The following SMC5 variants were observed in gnomAD, a reference collection of about 807,000 sequenced individuals.
SMC5 encodes the protein structural maintenance of chromosomes 5.
A neutral mutation model predicts 148.3 loss-of-function variants in SMC5; 88 were observed. That is an observed-to-expected ratio of 0.59 (90% CI 0.50 to 0.71). The LOEUF is 0.71. Ranked by LOEUF, SMC5 falls within the 30% of genes least tolerant of loss-of-function variation. SMC5 has a pLI of 0.00. For synonymous variants in SMC5, 421 were observed against 432.8 expected, an observed-to-expected ratio of 0.97 and a Z score of 0.34; for missense variants, 1,142 against 1,298.9, an observed-to-expected ratio of 0.88 and a Z score of 1.86.
At chr9:70,330,727 A>G (rs1449638457) in intron 17 of SMC5, among the ~76,000 whole-genome samples, 1 of 151,744 alleles carries the variant, frequency 6.6e-6, no homozygotes, top group African/African-American at 2.4e-5. Context: ...TATTTTTGGT[A>G]GAGATGGGGT....
Position 70,298,210 on chromosome 9 carries a change from A to G in SMC5, c.1298A>G (p.Lys433Arg). The G allele has an allele frequency of 6.2e-7, 1 of 1,609,920 alleles. No homozygotes were observed. Among genetic ancestry groups the G allele is most frequent in the Non-Finnish European group, 8.5e-7 (1 of 1,178,626 alleles). Residue 433 changes from lysine to arginine, a missense_variant, in exon 9 of 25, where the codon AAG becomes AGG. Physicochemically the swap from Lys to Arg is conservative, Grantham distance 26. This residue lies in a region of SMC5 where 743 missense variants were observed against 835.7 expected (regional missense o/e 0.89). Coordinates refer to ENST00000361138, the MANE Select transcript of SMC5 (RefSeq NM_015110.4). ...CGAAGAGAGAGGGAAACTCTAGAGA[A>G]GGAGAAAAAGAGTAAGTTTCATAAA... is the stretch of plus-strand genomic sequence containing the variant. The part of the protein sequence containing the change: ...DKRRERETLE[K>R]EKKSVDDHIV...
At chr9:70,348,652 C>T (rs116377756) in intron 22 of SMC5, among the ~76,000 whole-genome samples, 3,832 of 151,338 alleles carry the variant, frequency 0.025, 110 homozygotes, top group South Asian at 0.07. Flanking sequence ...AATGGTGCCA[C>T]TGCACTCCAG....
At chr9:70,315,816 G>A (rs1395970774) in intron 13 of SMC5, among the ~76,000 whole-genome samples, 1 of 151,900 alleles carries the variant, frequency 6.6e-6, no homozygotes, top group Admixed American at 6.6e-5. Flanking sequence ...ATACATTTAG[G>A]GTAATTCCAT....
intron 17 of SMC5, among the ~76,000 whole-genome samples, chr9:70,337,110 G>A (rs1489039602): frequency 1.3e-5 from 2 of 152,112 alleles, no homozygotes; most frequent in African/African-American, 4.8e-5. Flanking sequence ...CTCCCACCAG[G>A]TCCCTGCCAC....
At chr9:70,283,568 C>G (rs750276635) in intron 7 of SMC5, among the ~76,000 whole-genome samples, 6 of 152,054 alleles carry the variant, frequency 3.9e-5, no homozygotes, top group Non-Finnish European at 8.8e-5. Context: ...TGTAATTAGA[C>G]CAGCGGAATT....
intron 10 of SMC5, among the ~76,000 whole-genome samples, chr9:70,301,943 T>A (rs751973829): frequency 2.0e-5 from 3 of 152,216 alleles, no homozygotes; most frequent in Non-Finnish European, 4.4e-5. Flanking sequence ...CTACCTATCT[T>A]TATCTTGCTA....
In SMC5 at chr9:70,282,541, G is replaced by T. The variant is rs1587637475; in HGVS notation, c.939G>T (p.Met313Ile). ...QIPVTCRIEE[M>I]ENERHNLEAR... is the part of the protein sequence containing the mutation. ...CTGTAACATGTCGAATTGAAGAAAT[G>T]GAAAACGAGCGTCACAATTTGGAGG... Residue 313 changes from methionine to isoleucine, a missense_variant, in exon 7 of 25, where the codon ATG becomes ATT. This residue lies in a region of SMC5 where 743 missense variants were observed against 835.7 expected (regional missense o/e 0.89). Transcript: ENST00000361138. The T allele has an allele frequency of 6.3e-7, 1 of 1,590,368 alleles. No individual in the cohort carries two copies. Among genetic ancestry groups the T allele is most frequent in the East Asian group, 2.3e-5 (1 of 43,278 alleles).
At chr9:70,349,214 C>T (rs1365945775) in intron 22 of SMC5, among the ~76,000 whole-genome samples, 1 of 152,092 alleles carries the variant, frequency 6.6e-6, no homozygotes, top group Non-Finnish European at 1.5e-5. Context: ...TTACAGATGC[C>T]TGCCACCATG....
Position 70,324,190 on chromosome 9 carries a change from C to G in SMC5, c.2397+47C>G, listed in dbSNP as rs757850145. The G allele has an allele frequency of 8.4e-6, 13 of 1,549,398 alleles. No individual in the cohort carries two copies. In the South Asian group the frequency reaches 9.8e-5, roughly 12 times the overall value. On this transcript the variant is annotated intron_variant, in intron 17 of 24. Coordinates refer to ENST00000361138, the MANE Select transcript of SMC5 (RefSeq NM_015110.4). Reference sequence around the variant, plus strand: ...TTTATTTTGAGGTTCTAACCTCAGACTGGTTTGAAAATATATATCGTGTCA... The same window carrying G: ...TTTATTTTGAGGTTCTAACCTCAGAGTGGTTTGAAAATATATATCGTGTCA...
At chr9:70,260,793 A>G (rs1268388923) in intron 1 of SMC5, among the ~76,000 whole-genome samples, 1 of 152,182 alleles carries the variant, frequency 6.6e-6, no homozygotes, top group Non-Finnish European at 1.5e-5. Context: ...CCCACGCTGG[A>G]GCTCAGTGGC....
Position 70,353,640 on chromosome 9 carries a change from T to C in SMC5, c.*1309T>C, listed in dbSNP as rs1288239754. On this transcript the variant is annotated 3_prime_UTR_variant, in exon 25 of 25. Transcript: ENST00000361138. ...TTATATTCTTAACTAGGTCAAAAAA[T>C]AATGAGCCATAAGTTTATGTCCTCT... The C allele has an allele frequency of 1.3e-5, 2 of 152,184 alleles. No individual in the cohort carries two copies. Among genetic ancestry groups the C allele is most frequent in the African/African-American group, 4.8e-5 (2 of 41,456 alleles). 9.4% of individuals were successfully genotyped at this position (152,184 alleles called of 1,614,324 possible). A position where few individuals can be genotyped will look rare whatever the true frequency, so the allele number is the denominator to read the frequency against.
At chr9:70,283,364 G>T (rs971936391) in intron 7 of SMC5, among the ~76,000 whole-genome samples, 2 of 152,164 alleles carry the variant, frequency 1.3e-5, no homozygotes, top group African/African-American at 4.8e-5. Flanking sequence ...CTACTCATGA[G>T]GCTGAGGCAG....
At chr9:70,281,589 A>G (rs757052470) in intron 6 of SMC5, among the ~76,000 whole-genome samples, 3 of 152,214 alleles carry the variant, frequency 2.0e-5, no homozygotes, top group Non-Finnish European at 4.4e-5. Flanking sequence ...TAATTGGTAG[A>G]ACAAAATAGG....
chr9:70,277,007 G>T (rs1005478638), intron 3 of SMC5, among the ~76,000 whole-genome samples: 12 of 152,102 alleles, frequency 7.9e-5, no homozygotes, highest in African/African-American at 2.9e-4. Flanking sequence ...GTAATTAAAG[G>T]ATAAACAACT....
At position 70,347,065 on chromosome 9, in the gene SMC5, G is replaced by T; in HGVS notation, c.2569-1G>T. ...ATAATGACGGGCAATTTTTTTCTTA[G>T]GTTTTCCAAGACCTTCCAAACACAT... On this transcript the variant is annotated splice_acceptor_variant, in intron 19 of 24. Coordinates refer to ENST00000361138, the MANE Select transcript of SMC5 (RefSeq NM_015110.4). LOFTEE classifies it high-confidence loss of function. The T allele has an allele frequency of 6.2e-7, 1 of 1,609,448 alleles. No homozygotes were observed. Among genetic ancestry groups the T allele is most frequent in the South Asian group, 1.1e-5 (1 of 90,194 alleles).
chr9:70,277,221 C>G, intron 3 of SMC5, 89 bp from the exon 4 acceptor site: 1 of 985,760 alleles, frequency 1.0e-6, no homozygotes, highest in Non-Finnish European at 1.4e-6. Flanking sequence ...CTATCTGGCA[C>G]CTTTTGTGCA....
In SMC5 at chr9:70,352,860, A is replaced by T. The variant is rs1714167859; in HGVS notation, c.*529A>T. 1 of 152,110 alleles carries T rather than the reference A, an allele frequency of 6.6e-6. No individual in the cohort carries two copies. Among genetic ancestry groups the T allele is most frequent in the African/African-American group, 2.4e-5 (1 of 41,434 alleles). 9.4% of individuals were successfully genotyped at this position (152,110 alleles called of 1,614,324 possible). A position where few individuals can be genotyped will look rare whatever the true frequency, so the allele number is the denominator to read the frequency against. On this transcript the variant is annotated 3_prime_UTR_variant, in exon 25 of 25. Coordinates refer to ENST00000361138, the MANE Select transcript of SMC5 (RefSeq NM_015110.4). Reference sequence around the variant, plus strand: ...AAAGATTACCTTATCTCCAGTAGGAAATGGAATTTTATGGGCCTTTAAAAG... The same window carrying T: ...AAAGATTACCTTATCTCCAGTAGGATATGGAATTTTATGGGCCTTTAAAAG...
chr9:70,349,092 A>G (rs1376066967), intron 22 of SMC5, among the ~76,000 whole-genome samples: 1 of 152,226 alleles, frequency 6.6e-6, no homozygotes, highest in Non-Finnish European at 1.5e-5. Flanking sequence ...TTTTTGAGAC[A>G]AAGTCTCACT....
intron 3 of SMC5, among the ~76,000 whole-genome samples, chr9:70,274,931 A>G (rs551197803): frequency 6.6e-6 from 1 of 152,094 alleles, no homozygotes; most frequent in African/African-American, 2.4e-5. Flanking sequence ...TAATATAGTT[A>G]TATTAATTAT....
Sources: allele counts gnomAD v4.1 joint callset (sites outside exome capture counted in the v4.1 genomes callset), GRCh38; gene constraint gnomAD v4.1.1; regional missense constraint gnomAD v4.1.1; transcripts MANE v1.5; gene names NCBI Gene and HGNC (gene_info 2026-07-23, HGNC 2026-07-21).